The following RAD51B variants were observed in gnomAD, a reference collection of about 807,000 sequenced individuals.
The protein encoded by RAD51B is DNA repair protein RAD51 homolog 2.
RAD51B carries 38 observed loss-of-function variants against 42.2 expected under a neutral mutation model. That is an observed-to-expected ratio of 0.90 (90% CI 0.70 to 1.18). The LOEUF is 1.18. Ranked by LOEUF, RAD51B falls within the 50% of genes most tolerant of loss-of-function variation. The pLI, the probability that RAD51B is intolerant of heterozygous loss-of-function variation, is 0.00. For synonymous variants in RAD51B, 154 were observed against 145.2 expected (o/e 1.06, Z -0.43); for missense variants, 373 against 400.7 (o/e 0.93, Z 0.59).
At chr14:67,996,620 G>C (rs1382267008) in intron 7 of RAD51B, among the ~76,000 whole-genome samples, 1 of 152,166 alleles carries the variant, frequency 6.6e-6, no homozygotes, top group Non-Finnish European at 1.5e-5. Flanking sequence ...TAGATCTGAA[G>C]TGGAGAGAGC....
At position 67,974,657 on chromosome 14, in the gene RAD51B, T is replaced by C. The variant is rs182154048; in HGVS notation, c.756+87453T>C. On this transcript the variant is annotated intron_variant, in intron 7 of 10. Transcript: ENST00000471583. ...AACTTACTACAGTACATGAGACTTA[T>C]ACTTCACTAGATATTTAATCAGTTA... Among the ~76,000 whole-genome samples, 118 of 152,266 alleles carry C rather than the reference T, an allele frequency of 7.7e-4. 1 individual carries two copies. The highest frequency in any genetic ancestry group is 2.6e-3 in the African/African-American group (107 of 41,578).
chr14:68,427,995 C>T (rs1165323423), intron 9 of RAD51B, among the ~76,000 whole-genome samples: 1 of 152,198 alleles, frequency 6.6e-6, no homozygotes, highest in Non-Finnish European at 1.5e-5. Flanking sequence ...AGTTTGTTAT[C>T]ACAGGAGTGA....
At chr14:68,443,349 C>T (rs2085346307) in intron 9 of RAD51B, among the ~76,000 whole-genome samples, 1 of 152,098 alleles carries the variant, frequency 6.6e-6, no homozygotes, top group Non-Finnish European at 1.5e-5. Flanking sequence ...AATGTGTTCA[C>T]GAGTGGACGA....
intron 10 of RAD51B, chr14:68,540,731 G>A (rs975550349): frequency 1.0e-6 from 1 of 985,290 alleles, no homozygotes; most frequent in African/African-American, 1.7e-5. Context: ...GGGTTTAAGG[G>A]TAGTGAGGGA....
chr14:68,639,035 G>A (rs1892401354), intron 10 of RAD51B, among the ~76,000 whole-genome samples: 1 of 152,002 alleles, frequency 6.6e-6, no homozygotes, highest in Non-Finnish European at 1.5e-5. Flanking sequence ...GAGGGGGAAG[G>A]CAGCAACCCC....
chr14:68,397,186 T>C (rs1566856858), intron 8 of RAD51B, among the ~76,000 whole-genome samples: 1 of 152,262 alleles, frequency 6.6e-6, no homozygotes, highest in Admixed American at 6.5e-5. Context: ...TTACCCAAAG[T>C]TGGTAGTCTT....
intron 7 of RAD51B, among the ~76,000 whole-genome samples, chr14:68,037,038 C>G (rs552202372): frequency 7.6e-5 from 8 of 105,482 alleles, no homozygotes; most frequent in Admixed American, 2.0e-4. Context: ...CTCCCTCCCC[C>G]CCTCCCTTCC....
At chr14:68,461,971 A>G (rs896340558) in intron 9 of RAD51B, among the ~76,000 whole-genome samples, 2 of 152,220 alleles carry the variant, frequency 1.3e-5, no homozygotes, top group Non-Finnish European at 2.9e-5. Flanking sequence ...AACAGTGAGG[A>G]AGATGCCTGC....
chr14:68,615,900 T>C (rs964258891), downstream of RAD51B, among the ~76,000 whole-genome samples: 2 of 152,202 alleles, frequency 1.3e-5, no homozygotes, highest in Non-Finnish European at 2.9e-5. Flanking sequence ...TTGCATTTAA[T>C]TACAAGTACA....
intron 7 of RAD51B, among the ~76,000 whole-genome samples, chr14:67,970,482 G>A (rs1370046609): frequency 6.6e-6 from 1 of 151,208 alleles, no homozygotes; most frequent in Non-Finnish European, 1.5e-5. Context: ...AAAGTGAGTG[G>A]TCTTACCTTT....
chr14:68,411,589 C>T, intron 9 of RAD51B, 62 bp downstream of exon 9: 1 of 1,482,732 alleles, frequency 6.7e-7, no homozygotes, highest in Non-Finnish European at 9.4e-7. Context: ...ACCAAGCAAT[C>T]TGAGCGTCTT....
At position 68,590,511 on chromosome 14, in the gene RAD51B, G is replaced by A. The variant is rs113719204; in HGVS notation, c.1037-3974G>A. Among the ~76,000 whole-genome samples, 1,336 of 152,338 alleles carry A rather than the reference G, an allele frequency of 8.8e-3. 14 individuals are homozygous for A. Among genetic ancestry groups the A allele is most frequent in the African/African-American group, 0.03 (1,244 of 41,570 alleles). ...GTTCCCAGAGCAAAGGAAACCTGGC[G>A]ATGTCAGGTCTTCAGCTTTTAGTCT... On this transcript the variant is annotated intron_variant, in intron 10 of 10. Transcript: ENST00000487270.
chr14:68,609,867 C>A (rs1240579052), intron 10 of RAD51B, among the ~76,000 whole-genome samples: 2 of 152,144 alleles, frequency 1.3e-5, no homozygotes, highest in Non-Finnish European at 2.9e-5. Flanking sequence ...TCCCACCCAC[C>A]CTTTGCCTCC....
intron 10 of RAD51B, among the ~76,000 whole-genome samples, chr14:68,484,215 T>C (rs1295955270): frequency 6.6e-6 from 1 of 152,192 alleles, no homozygotes; most frequent in Non-Finnish European, 1.5e-5. Context: ...CCAAGTAAGC[T>C]GTGGTGGTAG....
chr14:68,540,417 C>G lies in RAD51B; in HGVS notation c.1037-54068C>G, dbSNP rs1051827852. ...TTACATATGACTTATTCAGCCCTCCCTTATTCAATTTGATTCACTTGCCAC... is the reference window on the plus strand; with the variant it reads ...TTACATATGACTTATTCAGCCCTCCGTTATTCAATTTGATTCACTTGCCAC... On this transcript the variant is annotated intron_variant, in intron 10 of 10. Transcript: ENST00000487270. The G allele has an allele frequency of 9.1e-6, 9 of 985,066 alleles. No homozygotes were observed. The African/African-American group carries it at 1.6e-4, about 17-fold the overall frequency. The allele number at this position is 985,066 out of a possible 1,614,324, so 61.0% of individuals were successfully genotyped here.
intron 11 of RAD51B, among the ~76,000 whole-genome samples, chr14:68,658,922 G>A (rs552614430): frequency 5.9e-5 from 9 of 152,220 alleles, no homozygotes; most frequent in Non-Finnish European, 1.3e-4. Flanking sequence ...CCTGGAGTAA[G>A]AGAGAGGCTG....
Position 67,967,599 on chromosome 14 carries a change from G to A in RAD51B, c.756+80395G>A, listed in dbSNP as rs565736292. On this transcript the variant is annotated intron_variant, in intron 7 of 10. Transcript: ENST00000471583. Reference sequence around the variant, plus strand: ...CCATGCAAGTACAAAATCCAGTGGGGCAAATTCTAAAGCTCCAAAAAGATC... The same window carrying A: ...CCATGCAAGTACAAAATCCAGTGGGACAAATTCTAAAGCTCCAAAAAGATC... Among the ~76,000 whole-genome samples the A allele has an allele frequency of 5.3e-5, 8 of 152,260 alleles. No individual in the cohort carries two copies. The East Asian group carries it at 1.4e-3, about 26-fold the overall frequency.
At chr14:68,672,120 C>T (rs549324598) in intron 11 of RAD51B, among the ~76,000 whole-genome samples, 5 of 152,204 alleles carry the variant, frequency 3.3e-5, no homozygotes, top group African/African-American at 1.2e-4. Context: ...GCTGTGAGTC[C>T]CAGAGGCTAA....
intron 7 of RAD51B, among the ~76,000 whole-genome samples, chr14:68,006,699 A>AT (rs928437345): frequency 6.6e-6 from 1 of 152,070 alleles, no homozygotes; most frequent in Non-Finnish European, 1.5e-5. Flanking sequence ...TATTTACCCA[A>AT]TTTTTTATTG....
Sources: allele counts gnomAD v4.1 joint callset (sites outside exome capture counted in the v4.1 genomes callset), GRCh38; gene constraint gnomAD v4.1.1; transcripts MANE v1.5; gene names NCBI Gene and HGNC (gene_info 2026-07-23, HGNC 2026-07-21).